KCNH8: variants seen among roughly 807,000 people sequenced by gnomAD.
KCNH8 encodes voltage-gated delayed rectifier potassium channel KCNH8.
KCNH8 carries 70 observed loss-of-function variants against 103.6 expected under a neutral mutation model. The ratio of observed to expected loss-of-function variants is 0.68; its 90% CI spans 0.56 to 0.82. KCNH8 has a LOEUF of 0.82. Among genes scored for constraint, KCNH8 ranks in the 40% least tolerant of loss-of-function variants. The probability of loss-of-function intolerance (pLI) is 0.00; values close to 1 mark genes in which losing one functional copy is unlikely to be tolerated. For synonymous variants in KCNH8, 498 were observed against 489.4 expected (o/e 1.02, Z -0.23); for missense variants, 1,217 against 1,329.9 (o/e 0.92, Z 1.32).
At chr3:19,267,894 G>A (rs540571823) in intron 2 of KCNH8, among the ~76,000 whole-genome samples, 1 of 152,202 alleles carries the variant, frequency 6.6e-6, no homozygotes, top group African/African-American at 2.4e-5. Flanking sequence ...GGCAATAACA[G>A]TAATAGCATC....
At chr3:19,151,565 A>G (rs911774264) in intron 1 of KCNH8, among the ~76,000 whole-genome samples, 22 of 152,244 alleles carry the variant, frequency 1.4e-4, no homozygotes, top group African/African-American at 4.6e-4. Flanking sequence ...GAATAATAAA[A>G]CAATGTAAGA....
intron 2 of KCNH8, among the ~76,000 whole-genome samples, chr3:19,277,286 T>C (rs538590467): frequency 2.5e-4 from 38 of 152,248 alleles, no homozygotes; most frequent in African/African-American, 8.7e-4. Flanking sequence ...AGATGGGCTG[T>C]GCATGGTGGC....
intron 1 of KCNH8, among the ~76,000 whole-genome samples, chr3:19,190,518 A>G (rs981776926): frequency 5.9e-5 from 9 of 152,038 alleles, no homozygotes; most frequent in African/African-American, 1.9e-4. Flanking sequence ...ATGAGTTATA[A>G]GGAATAAAAT....
At position 19,533,636 on chromosome 3, in the gene KCNH8, T is replaced by C. The variant is rs1399748347; in HGVS notation, c.2861T>C (p.Ile954Thr). 4 of 1,614,130 alleles carry C rather than the reference T, an allele frequency of 2.5e-6. No homozygotes were observed. The highest frequency in any genetic ancestry group is 3.4e-6 in the Non-Finnish European group (4 of 1,180,010). Residue 954 changes from isoleucine to threonine, a missense_variant, in exon 16 of 16, where the codon ATC (isoleucine) becomes ACC (threonine). Around this residue, in one of 3 missense-constraint regions of KCNH8, gnomAD observed 558 missense variants for 495.8 expected, o/e 1.13. Transcript: ENST00000328405. ...CAAGCACAACTTTGTAGCAGTAATATCACCTCAGACATTTGGAGTGTGGAT... is the reference window on the plus strand; with the variant it reads ...CAAGCACAACTTTGTAGCAGTAATACCACCTCAGACATTTGGAGTGTGGAT... Reference protein sequence around the residue: ...YTQAQLCSSNITSDIWSVDPS... With the variant: ...YTQAQLCSSNTTSDIWSVDPS...
rs2067444726 is a variant in KCNH8, at chr3:19,451,342, T to C, written c.1763T>C (p.Ile588Thr). 6.2e-7 allele frequency: 1 copy of C among 1,613,752 alleles called. No homozygotes were observed. The highest frequency in any genetic ancestry group is 8.5e-7 in the Non-Finnish European group (1 of 1,179,826). The change falls in exon 10 of 16, where the codon ATC becomes ACC. Residue 588 changes from isoleucine to threonine, a missense_variant. By Grantham distance (89) the Ile-to-Thr change is moderately conservative. Coordinates refer to ENST00000328405, the MANE Select transcript of KCNH8 (RefSeq NM_144633.3). ...LLRQGDALQA[I>T]YFVCSGSMEV... Reference sequence around the variant, plus strand: ...CGTCAAGGGGATGCTTTGCAGGCCATCTACTTTGTATGCTCGGGCTCCATG... The same window carrying C: ...CGTCAAGGGGATGCTTTGCAGGCCACCTACTTTGTATGCTCGGGCTCCATG...
Position 19,533,733 on chromosome 3 carries a change from T to A in KCNH8, c.2958T>A (p.Tyr986Ter). 6.2e-7 allele frequency: 1 copy of A among 1,614,156 alleles called. No individual in the cohort carries two copies. The highest frequency in any genetic ancestry group is 8.5e-7 in the Non-Finnish European group (1 of 1,180,010). ...AAAATCCTGCAGACAGTGAACTTTA[T>A]CATTCTCCAAGCCTTGATTATTCAC... ...HEQNPADSEL[Y>*]HSPSLDYSPS... Residue 986 changes from tyrosine (Y) to a stop codon, truncating the protein, a stop_gained, in exon 16 of 16, where the codon TAT (tyrosine) becomes TAA (stop). Transcript: ENST00000328405. LOFTEE classifies it high-confidence loss of function.
chr3:19,234,188 G>A (rs182316196), intron 1 of KCNH8, among the ~76,000 whole-genome samples: 3 of 152,190 alleles, frequency 2.0e-5, no homozygotes, highest in South Asian at 2.1e-4. Context: ...GGTTCTCCAC[G>A]TCCCTACCAG....
intron 1 of KCNH8, among the ~76,000 whole-genome samples, chr3:19,169,618 T>G (rs150807213): frequency 3.3e-5 from 5 of 152,216 alleles, no homozygotes; most frequent in African/African-American, 1.2e-4. Context: ...CTGGTTTTTG[T>G]TGACCGCATC....
At chr3:19,233,987 T>C (rs996462885) in intron 1 of KCNH8, among the ~76,000 whole-genome samples, 5 of 152,118 alleles carry the variant, frequency 3.3e-5, no homozygotes, top group Admixed American at 1.3e-4. Context: ...GCAAGATTTA[T>C]TGCAAAGAGC....
chr3:19,298,273 G>A (rs957032920), intron 3 of KCNH8, among the ~76,000 whole-genome samples: 2 of 152,022 alleles, frequency 1.3e-5, no homozygotes, highest in Non-Finnish European at 1.5e-5. Context: ...AGTCTGCCAG[G>A]TCACGGTGAT....
intron 1 of KCNH8, among the ~76,000 whole-genome samples, chr3:19,220,130 C>T (rs2063857829): frequency 6.6e-6 from 1 of 152,188 alleles, no homozygotes; most frequent in Admixed American, 6.5e-5. Flanking sequence ...TATTTGTTAT[C>T]AGCCTCTACC....
chr3:19,371,072 G>A (rs1277950992), intron 5 of KCNH8, among the ~76,000 whole-genome samples: 8 of 151,840 alleles, frequency 5.3e-5, no homozygotes, highest in African/African-American at 9.7e-5. Flanking sequence ...ATAAACATAC[G>A]TGTGCATGTG....
chr3:19,213,719 A>G (rs1464596671), intron 1 of KCNH8, among the ~76,000 whole-genome samples: 2 of 152,164 alleles, frequency 1.3e-5, no homozygotes, highest in East Asian at 3.8e-4. Flanking sequence ...GAATTCCTTT[A>G]AGTACTTCCC....
chr3:19,162,232 C>G (rs2063240681), intron 1 of KCNH8, among the ~76,000 whole-genome samples: 2 of 151,890 alleles, frequency 1.3e-5, no homozygotes, highest in South Asian at 4.1e-4. Context: ...CTACTGAAGG[C>G]CAGGCGTGGT....
intron 3 of KCNH8, among the ~76,000 whole-genome samples, chr3:19,318,560 T>A (rs1400173152): frequency 6.6e-6 from 1 of 151,624 alleles, no homozygotes; most frequent in Admixed American, 6.6e-5. Context: ...TCACTAAGAA[T>A]AATGGTCTCC....
In KCNH8 at chr3:19,480,188, T is replaced by C. The variant is rs149947627; in HGVS notation, c.2040+23206T>C. Among the ~76,000 whole-genome samples the C allele has an allele frequency of 2.7e-3, 418 of 152,322 alleles. 2 individuals carry two copies. The highest frequency in any genetic ancestry group is 9.8e-3 in the African/African-American group (408 of 41,582). On this transcript the variant is annotated intron_variant, in intron 11 of 15. Coordinates refer to ENST00000328405, the MANE Select transcript of KCNH8 (RefSeq NM_144633.3). ...GTACTAGATTACAGTTTAGGTTTCA[T>C]AGGTCCAGGCTGTGGGTTCTGCGAT...
At chr3:19,296,971 A>G (rs1225216174) in intron 3 of KCNH8, among the ~76,000 whole-genome samples, 1 of 152,194 alleles carries the variant, frequency 6.6e-6, no homozygotes, top group Non-Finnish European at 1.5e-5. Flanking sequence ...TATATCAGAT[A>G]CAATATATAT....
At chr3:19,200,985 A>G (rs2063652888) in intron 1 of KCNH8, among the ~76,000 whole-genome samples, 1 of 151,936 alleles carries the variant, frequency 6.6e-6, no homozygotes. Flanking sequence ...TAATCCCAGC[A>G]CTTTGGGAGG....
In KCNH8 at chr3:19,518,093, G is replaced by A. The variant is rs1189691070; in HGVS notation, c.2619+19G>A. 1 of 1,586,686 alleles carries A rather than the reference G, an allele frequency of 6.3e-7. No homozygotes were observed. Among genetic ancestry groups the A allele is most frequent in the African/African-American group, 1.3e-5 (1 of 74,406 alleles). Reference sequence around the variant, plus strand: ...CAGTGAGGTATGGAGCTCTTTCTTTGGTCATGCCTAAATGGTAAGAGGAGA... The same window carrying A: ...CAGTGAGGTATGGAGCTCTTTCTTTAGTCATGCCTAAATGGTAAGAGGAGA... On this transcript the variant is annotated intron_variant, in intron 15 of 15. Transcript: ENST00000328405.
Sources: gnomAD v4.1 joint callset for allele counts (sites outside exome capture counted in the v4.1 genomes callset) on GRCh38, gnomAD v4.1.1 for gene constraint, gnomAD v4.1.1 regional missense constraint, MANE v1.5 for transcripts, NCBI Gene and HGNC (gene_info 2026-07-23, HGNC 2026-07-21) for gene names.